The following GRIK2 variants were observed in gnomAD, a reference collection of about 807,000 sequenced individuals.
GRIK2 encodes the protein glutamate ionotropic receptor kainate type subunit 2.
In GRIK2, 32 loss-of-function variants were observed where a neutral mutation model predicts 100.3. The ratio of observed to expected loss-of-function variants is 0.32; its 90% confidence interval spans 0.24 to 0.43. The LOEUF is 0.43. Ranked by LOEUF, GRIK2 falls within the 20% of genes least tolerant of loss-of-function variation. The pLI, the probability that GRIK2 is intolerant of heterozygous loss-of-function variation, is 1.00. For missense variants in GRIK2, 843 were observed against 1,114.9 expected (o/e 0.76, Z 3.47); for synonymous variants, 417 against 389.4 (o/e 1.07, Z -0.83).
intron 2 of GRIK2, among the ~76,000 whole-genome samples, chr6:101,573,181 G>A (rs1476482010): frequency 6.6e-6 from 1 of 152,106 alleles, no homozygotes; most frequent in Non-Finnish European, 1.5e-5. Flanking sequence ...GGTGATGGTT[G>A]TGATGTCTGG....
At chr6:101,506,877 T>A (rs925494831) in intron 2 of GRIK2, among the ~76,000 whole-genome samples, 1 of 152,130 alleles carries the variant, frequency 6.6e-6, no homozygotes, top group African/African-American at 2.4e-5. Context: ...TTGAGTTTTA[T>A]CTAAATCAAG....
At chr6:101,480,168 A>T (rs543807425) in intron 2 of GRIK2, among the ~76,000 whole-genome samples, 1 of 152,300 alleles carries the variant, frequency 6.6e-6, no homozygotes, top group Non-Finnish European at 1.5e-5. Flanking sequence ...GGTTTCTGTT[A>T]TGGATCACTT....
At chr6:101,418,662 G>A (rs1006528390) in intron 2 of GRIK2, among the ~76,000 whole-genome samples, 1 of 152,170 alleles carries the variant, frequency 6.6e-6, no homozygotes, top group Non-Finnish European at 1.5e-5. Context: ...GAAGGTGGGA[G>A]AGGAGACCAC....
chr6:101,998,349 G>C (rs934953308), intron 14 of GRIK2, among the ~76,000 whole-genome samples: 2 of 151,920 alleles, frequency 1.3e-5, no homozygotes, highest in African/African-American at 4.8e-5. Flanking sequence ...GCTCCTTTTT[G>C]TCTTTCTTTT....
intron 7 of GRIK2, among the ~76,000 whole-genome samples, chr6:101,691,443 G>A (rs1234803001): frequency 2.0e-5 from 3 of 151,722 alleles, no homozygotes; most frequent in South Asian, 2.1e-4. Flanking sequence ...GATTACAGGC[G>A]CACACCACCA....
chr6:101,644,479 CA>C lies in GRIK2; in HGVS notation c.541+17843del, dbSNP rs1300810144. Among the ~76,000 whole-genome samples, 6 of 151,746 alleles carry C rather than the reference CA, an allele frequency of 4.0e-5. No individual in the cohort carries two copies. The East Asian group carries it at 1.2e-3, about 29-fold the overall frequency. On this transcript the variant is annotated intron_variant, in intron 4 of 16. Coordinates refer to ENST00000369134, the MANE Select transcript of GRIK2 (RefSeq NM_021956.5). Reference sequence around the variant, plus strand: ...TGAAGGGACTGGCAAGACTGAAAATCAGAGCATATAACCATATAAGACTAAA... The same window carrying C: ...TGAAGGGACTGGCAAGACTGAAAATCGAGCATATAACCATATAAGACTAAA...
In GRIK2 at chr6:101,825,402, A is replaced by G. The variant is rs542647229; in HGVS notation, c.1317+6919A>G. ...CTTCCACAAAGCTAGTCAAATATAA[A>G]ACTATTGATGGTGGTAGAGAAAGAA... On this transcript the variant is annotated intron_variant, in intron 10 of 16. Coordinates refer to ENST00000369134, the MANE Select transcript of GRIK2 (RefSeq NM_021956.5). Among the ~76,000 whole-genome samples the G allele has an allele frequency of 1.8e-4, 28 of 152,154 alleles. 1 individual carries two copies. The highest frequency in any genetic ancestry group is 3.8e-4 in the Non-Finnish European group (26 of 68,020).
At chr6:101,588,187 T>C (rs1031942584) in intron 2 of GRIK2, among the ~76,000 whole-genome samples, 22 of 152,022 alleles carry the variant, frequency 1.4e-4, no homozygotes, top group Admixed American at 2.6e-4. Flanking sequence ...GATGCAACTA[T>C]GAAGCTAATA....
intron 14 of GRIK2, among the ~76,000 whole-genome samples, chr6:102,013,419 G>A (rs10081049): frequency 0.12 from 17,917 of 151,874 alleles, 2,977 homozygotes; most frequent in African/African-American, 0.37. Flanking sequence ...CTTGGGTGTC[G>A]TTTATTTTTT....
chr6:101,546,389 A>G (rs562985151), intron 2 of GRIK2, among the ~76,000 whole-genome samples: 5 of 152,288 alleles, frequency 3.3e-5, no homozygotes, highest in East Asian at 1.9e-4. Flanking sequence ...AGAATTTTCT[A>G]TATCTCCACC....
At chr6:101,719,656 G>T (rs1774336094) in intron 7 of GRIK2, among the ~76,000 whole-genome samples, 1 of 151,954 alleles carries the variant, frequency 6.6e-6, no homozygotes, top group African/African-American at 2.4e-5. Context: ...ATTTTTGTGT[G>T]GAGGTGATTG....
At position 102,055,503 on chromosome 6, in the gene GRIK2, G is replaced by A. The variant is rs943111441; in HGVS notation, c.2485G>A (p.Ala829Thr). ...TGGTGGCATCTTCATTGTTCTGGCAGCCGGCTTGGTGCTTTCAGTTTTTGT... is the reference window on the plus strand; with the variant it reads ...TGGTGGCATCTTCATTGTTCTGGCAACCGGCTTGGTGCTTTCAGTTTTTGT... Reference protein sequence around the residue: ...NIGGIFIVLAAGLVLSVFVAV... With the variant: ...NIGGIFIVLATGLVLSVFVAV... The change falls in exon 16 of 17, where the codon GCC (alanine) becomes ACC (threonine). Residue 829 changes from alanine to threonine, a missense_variant. Physicochemically the swap from Ala to Thr is moderately conservative, Grantham distance 58 (BLOSUM62 0). This residue lies in a region of GRIK2 where 237 missense variants were observed against 388.0 expected (regional missense o/e 0.61). Transcript: ENST00000369134. 6 of 1,613,544 alleles carry A rather than the reference G, an allele frequency of 3.7e-6. No individual in the cohort carries two copies. The highest frequency in any genetic ancestry group is 5.1e-6 in the Non-Finnish European group (6 of 1,179,558).
At chr6:101,590,077 T>A (rs1170981005) in intron 2 of GRIK2, among the ~76,000 whole-genome samples, 1 of 152,120 alleles carries the variant, frequency 6.6e-6, no homozygotes, top group Non-Finnish European at 1.5e-5. Flanking sequence ...TTTAGGCATA[T>A]TTCTTTATTT....
chr6:101,849,800 TA>T (rs1185593507), intron 10 of GRIK2, among the ~76,000 whole-genome samples: 1 of 137,480 alleles, frequency 7.3e-6, no homozygotes, highest in Non-Finnish European at 1.5e-5. Flanking sequence ...GGATGCTATT[TA>T]AAAAAAGGAG....
At chr6:101,606,709 A>G (rs1030250625) in intron 2 of GRIK2, among the ~76,000 whole-genome samples, 1 of 151,982 alleles carries the variant, frequency 6.6e-6, no homozygotes, top group Admixed American at 6.6e-5. Context: ...TAGACACCTT[A>G]TATTTGTATT....
chr6:101,683,502 T>C (rs1424440331), intron 6 of GRIK2, among the ~76,000 whole-genome samples: 1 of 152,190 alleles, frequency 6.6e-6, no homozygotes, highest in Non-Finnish European at 1.5e-5. Context: ...CTCCATTTTG[T>C]TATCAATACA....
intron 14 of GRIK2, among the ~76,000 whole-genome samples, chr6:101,984,614 A>AACACACACACACACACACACACAC (rs10678285): frequency 3.1e-5 from 4 of 129,156 alleles, no homozygotes; most frequent in East Asian, 2.4e-4. Flanking sequence ...TACACATTAA[A>AACACACACACACACACACACACAC]ACACACACAC....
chr6:101,506,141 A>G (rs183549738), intron 2 of GRIK2, among the ~76,000 whole-genome samples: 40 of 152,252 alleles, frequency 2.6e-4, no homozygotes, highest in African/African-American at 9.1e-4. Context: ...CTCATTTGCA[A>G]AGCTGGGGTC....
At chr6:101,778,630 G>A (rs1395427543) in intron 7 of GRIK2, among the ~76,000 whole-genome samples, 3 of 151,968 alleles carry the variant, frequency 2.0e-5, no homozygotes, top group Non-Finnish European at 4.4e-5. Flanking sequence ...CTTCTCACCA[G>A]AAGAAAAAAA....
Sources: gnomAD v4.1 joint callset for allele counts (sites outside exome capture counted in the v4.1 genomes callset) on GRCh38, gnomAD v4.1.1 for gene constraint, gnomAD v4.1.1 regional missense constraint, MANE v1.5 for transcripts, NCBI Gene and HGNC (gene_info 2026-07-23, HGNC 2026-07-21) for gene names.